The following PFKFB3 variants were observed in gnomAD, a reference collection of about 807,000 sequenced individuals.
PFKFB3 encodes the protein 6-phosphofructo-2-kinase/fructose-2,6-bisphosphatase 3.
PFKFB3 carries 33 observed loss-of-function variants against 68.0 expected under a neutral mutation model. The observed-to-expected ratio is 0.49, with a 90% confidence interval of 0.37 to 0.65. The LOEUF (loss-of-function observed/expected upper bound fraction) is 0.65. Ranked by LOEUF, PFKFB3 falls within the 30% of genes least tolerant of loss-of-function variation. PFKFB3 has a pLI of 0.00. For synonymous variants in PFKFB3, 315 were observed against 288.2 expected, an observed-to-expected ratio of 1.09 and a Z score of -0.94; for missense variants, 586 against 712.2, an observed-to-expected ratio of 0.82 and a Z score of 2.02.
At chr10:6,242,633 G>A (rs1846165909) in intron 14 of PFKFB3, among the ~76,000 whole-genome samples, 1 of 151,948 alleles carries the variant, frequency 6.6e-6, no homozygotes, top group East Asian at 1.9e-4. Context: ...TGTTGCCCAG[G>A]CTGGAGTGCA....
Position 6,172,190 on chromosome 10 carries a change from C to T in PFKFB3, c.16+27177C>T, listed in dbSNP as rs78680212. 6.5e-3 allele frequency among the ~76,000 whole-genome samples: 993 copies of T among 152,306 alleles called. 6 individuals are homozygous for T. The highest frequency in any genetic ancestry group is 1.0e-2 in the Non-Finnish European group (680 of 68,034). ...GGCATGCGGCTGTGCTTCTTGGTAT[C>T]GATTTGCTTCTTGGTCCCATGGCTT... On this transcript the variant is annotated intron_variant, in intron 1 of 14. Coordinates refer to the PFKFB3 transcript ENST00000379789.
At chr10:6,255,315 G>C (rs1046508007), downstream of PFKFB3, among the ~76,000 whole-genome samples, 4 of 151,042 alleles carry the variant, frequency 2.6e-5, no homozygotes, top group African/African-American at 9.8e-5. Context: ...GTAGAGATGG[G>C]GTTTCTCCAT....
Position 6,151,117 on chromosome 10 carries a change from A to G in PFKFB3, c.16+6104A>G, listed in dbSNP as rs78677519. 9.4e-3 allele frequency among the ~76,000 whole-genome samples: 1,432 copies of G among 152,246 alleles called. 25 individuals carry two copies. Among genetic ancestry groups the G allele is most frequent in the East Asian group, 0.017 (90 of 5,176 alleles). On this transcript the variant is annotated intron_variant, in intron 1 of 14. Coordinates refer to the PFKFB3 transcript ENST00000379789. ...ACCAGGACAGCAGGGAGACGGACAC[A>G]GGGAGGGAGCCCCAGTCTGTGGAAC... is the stretch of plus-strand genomic sequence containing the variant.
chr10:6,160,912 G>C (rs1053374973), intron 1 of PFKFB3, among the ~76,000 whole-genome samples: 2 of 151,788 alleles, frequency 1.3e-5, no homozygotes, highest in Non-Finnish European at 2.9e-5. Flanking sequence ...GATGCATTTG[G>C]CCTTTTTTTA....
the PFKFB3 span, among the ~76,000 whole-genome samples, chr10:6,270,506 G>C: frequency 6.6e-6 from 1 of 152,172 alleles, no homozygotes; most frequent in African/African-American, 2.4e-5. Context: ...GTTCTTGCCT[G>C]TCTCTCTAGC....
chr10:6,204,467 C>A (rs959903961), intron 1 of PFKFB3, among the ~76,000 whole-genome samples: 17 of 152,350 alleles, frequency 1.1e-4, no homozygotes, highest in African/African-American at 3.8e-4. Context: ...TCTCCTGGAG[C>A]CCTGCTCGGT....
chr10:6,292,636 TAA>T, the PFKFB3 span, among the ~76,000 whole-genome samples: 1,287 of 139,760 alleles, frequency 9.2e-3, 16 homozygotes, highest in African/African-American at 0.032. Flanking sequence ...TACACAGAAT[TAA>T]AAAAAAAAAA....
rs777863658 is a variant in PFKFB3, at chr10:6,228,240, G to A, written c.1515+1875G>A. 34 of 1,612,178 alleles carry A rather than the reference G, an allele frequency of 2.1e-5. No homozygotes were observed. The highest frequency in any genetic ancestry group is 1.1e-4 in the East Asian group (5 of 44,884). On this transcript the variant is annotated intron_variant, in intron 14 of 14. Transcript: ENST00000379775. This position sits in a 1 kb window ranked among gnomAD's most constrained non-coding sequence, Gnocchi z 4.5. ...GTCTGTAAGTATCTCTCCGATCATC[G>A]CTGCTGCTTGCACTGCTTTCTTCCT...
the PFKFB3 span, among the ~76,000 whole-genome samples, chr10:6,312,360 A>T: frequency 7.9e-5 from 12 of 152,252 alleles, no homozygotes; most frequent in African/African-American, 2.9e-4. Flanking sequence ...ACCTGTCCTC[A>T]TCTCTCACCA....
At chr10:6,256,176 C>G (rs1846492471), downstream of PFKFB3, among the ~76,000 whole-genome samples, 1 of 152,222 alleles carries the variant, frequency 6.6e-6, no homozygotes, top group Non-Finnish European at 1.5e-5. Context: ...ACTCTATCTT[C>G]TGTTCTCAGC....
chr10:6,258,756 A>G (rs1846512471), downstream of PFKFB3, among the ~76,000 whole-genome samples: 1 of 152,176 alleles, frequency 6.6e-6, no homozygotes, highest in South Asian at 2.1e-4. Context: ...CACAGCCTGG[A>G]TTGATGGCCT....
At chr10:6,311,881 C>G in the PFKFB3 span, among the ~76,000 whole-genome samples, 1 of 152,230 alleles carries the variant, frequency 6.6e-6, no homozygotes, top group Admixed American at 6.5e-5. Context: ...CACTGCATTC[C>G]TCTTCATCTG....
At chr10:6,171,081 G>C (rs1216966390) in intron 1 of PFKFB3, among the ~76,000 whole-genome samples, 1 of 152,078 alleles carries the variant, frequency 6.6e-6, no homozygotes, top group Non-Finnish European at 1.5e-5. Flanking sequence ...GCCCAGGCTG[G>C]AGTGCAGTGG....
chr10:6,230,009 G>A (rs940752833), intron 14 of PFKFB3, among the ~76,000 whole-genome samples: 1 of 152,164 alleles, frequency 6.6e-6, no homozygotes, highest in African/African-American at 2.4e-5. Context: ...CAGCCCAGGG[G>A]TTAGGGACCC....
the PFKFB3 span, among the ~76,000 whole-genome samples, chr10:6,291,577 G>C: frequency 6.7e-6 from 1 of 148,732 alleles, no homozygotes; most frequent in South Asian, 2.1e-4. Flanking sequence ...AAAAAAAAGT[G>C]TCCTGTTTAC....
intron 3 of PFKFB3, 27 bp from the exon 4 acceptor site, chr10:6,216,098 A>G (rs1321799284): frequency 1.2e-6 from 2 of 1,610,438 alleles, no homozygotes; most frequent in South Asian, 1.1e-5. Context: ...CGGCGCTGAC[A>G]TTCGGGCAAT....
At chr10:6,308,006 C>T in the PFKFB3 span, among the ~76,000 whole-genome samples, 1 of 152,168 alleles carries the variant, frequency 6.6e-6, no homozygotes, top group Non-Finnish European at 1.5e-5. Context: ...TATGGGATAA[C>T]ACAGAGAAAA....
chr10:6,164,211 C>T (rs1842057710), intron 1 of PFKFB3, among the ~76,000 whole-genome samples: 1 of 136,914 alleles, frequency 7.3e-6, no homozygotes, highest in Non-Finnish European at 1.7e-5. Context: ...TGGGGCAGGT[C>T]CGCGGTGGAG....
chr10:6,204,332 G>A (rs1282661685), intron 1 of PFKFB3, among the ~76,000 whole-genome samples: 1 of 152,270 alleles, frequency 6.6e-6, no homozygotes, highest in African/African-American at 2.4e-5. Flanking sequence ...TAGTGACCGT[G>A]GGATCCAGGT....
Sources: gnomAD v4.1 joint callset for allele counts (sites outside exome capture counted in the v4.1 genomes callset) on GRCh38, gnomAD v4.1.1 for gene constraint, Gnocchi (gnomAD v3.1) non-coding constraint, MANE v1.5 for transcripts, NCBI Gene and HGNC (gene_info 2026-07-23, HGNC 2026-07-21) for gene names.